VPS45: variants seen among roughly 807,000 people sequenced by gnomAD.
VPS45 encodes the protein vacuolar protein sorting 45 homolog.
A neutral mutation model predicts 75.9 loss-of-function variants in VPS45; 35 were observed. That is an observed-to-expected ratio of 0.46 (90% confidence interval 0.35 to 0.61). The LOEUF (loss-of-function observed/expected upper bound fraction) is 0.61. Among genes scored for constraint, VPS45 ranks in the 20% least tolerant of loss-of-function variants. The pLI is 0.00. For synonymous variants in VPS45, 220 were observed against 238.2 expected (o/e 0.92, Z 0.70); for missense variants, 559 against 685.9 (o/e 0.81, Z 2.07).
At position 150,115,898 on chromosome 1, in the gene VPS45, C is replaced by T. The variant is rs183246332; in HGVS notation, c.1625+5271C>T. Among the ~76,000 whole-genome samples the T allele has an allele frequency of 2.5e-4, 38 of 152,314 alleles. No individual in the cohort carries two copies. The East Asian group carries it at 7.1e-3, about 29-fold the overall frequency. On this transcript the variant is annotated intron_variant, in intron 14 of 14. Coordinates refer to ENST00000644510, the MANE Select transcript of VPS45 (RefSeq NM_007259.5). ...AACACAGTGCCCTTGTTTAATAACA[C>T]TGGCACACACCTATTAGATAGTTGT...
chr1:150,112,503 C>G (rs184918822), intron 14 of VPS45, among the ~76,000 whole-genome samples: 1 of 152,262 alleles, frequency 6.6e-6, no homozygotes, highest in African/African-American at 2.4e-5. Flanking sequence ...TTTATAACTT[C>G]TACAGAAATA....
intron 10 of VPS45, among the ~76,000 whole-genome samples, chr1:150,086,482 G>C (rs1553800694): frequency 6.6e-6 from 1 of 150,740 alleles, no homozygotes; most frequent in Non-Finnish European, 1.5e-5. Flanking sequence ...AAAAGTGTTT[G>C]GTTTTTTTGT....
intron 14 of VPS45, among the ~76,000 whole-genome samples, chr1:150,111,514 C>T (rs888748823): frequency 3.3e-5 from 5 of 152,090 alleles, no homozygotes; most frequent in Non-Finnish European, 7.4e-5. Flanking sequence ...TTACAAGAAA[C>T]TCACGGTGTT....
At chr1:150,124,747 TG>T (rs1190524718) in intron 14 of VPS45, among the ~76,000 whole-genome samples, 1 of 147,900 alleles carries the variant, frequency 6.8e-6, no homozygotes, top group East Asian at 2.0e-4. Context: ...TTAGTAGAGA[TG>T]GGGTTTCACC....
chr1:150,072,324 C>T (rs782394321), intron 3 of VPS45, 98 bp downstream of exon 3: 4 of 880,644 alleles, frequency 4.5e-6, no homozygotes, highest in Non-Finnish European at 6.9e-6. Context: ...TTGAATCTGT[C>T]ACTATAAAAG....
chr1:150,139,957 A>G (rs1553814842), intron 14 of VPS45, among the ~76,000 whole-genome samples: 3 of 152,026 alleles, frequency 2.0e-5, no homozygotes. Context: ...GCTGTGGTGC[A>G]ATCTCAGCTC....
intron 13 of VPS45, among the ~76,000 whole-genome samples, chr1:150,099,253 T>C (rs79920282): frequency 0.022 from 3,273 of 152,070 alleles, 97 homozygotes; most frequent in African/African-American, 0.074. Context: ...TCCCAGCACT[T>C]TGGGAGGCTG....
intron 3 of VPS45, among the ~76,000 whole-genome samples, chr1:150,073,210 T>G (rs1553797386): frequency 6.6e-6 from 1 of 152,170 alleles, no homozygotes; most frequent in African/African-American, 2.4e-5. Flanking sequence ...TGTAGTCTAT[T>G]TGGTAACATT....
intron 7 of VPS45, among the ~76,000 whole-genome samples, chr1:150,079,093 G>A (rs1175582165): frequency 2.3e-5 from 3 of 132,826 alleles, no homozygotes; most frequent in Non-Finnish European, 4.7e-5. Flanking sequence ...CCTGGGCAAC[G>A]AGAGCGAAAC....
rs190592572 is a variant in VPS45 at position 150,099,483 on chromosome 1, G to C, written c.1493+5835G>C. On this transcript the variant is annotated intron_variant, in intron 13 of 14. Coordinates refer to ENST00000644510, the MANE Select transcript of VPS45 (RefSeq NM_007259.5). Reference sequence around the variant, plus strand: ...GCCAAGATTGCGCCACTGCACTCCAGTCTGGGCGACAGAGTGAGACTCCAT... The same window carrying C: ...GCCAAGATTGCGCCACTGCACTCCACTCTGGGCGACAGAGTGAGACTCCAT... Among the ~76,000 whole-genome samples the C allele has an allele frequency of 1.8e-3, 266 of 146,956 alleles. 1 individual carries two copies. Among genetic ancestry groups the C allele is most frequent in the Non-Finnish European group, 3.1e-3 (210 of 67,054 alleles).
intron 1 of VPS45, 122 bp from the exon 2 acceptor site, chr1:150,068,508 T>G: frequency 1.1e-6 from 1 of 903,068 alleles, no homozygotes; most frequent in African/African-American, 1.7e-5. Context: ...TCAGTAAATG[T>G]TTTCCGTATA....
intron 10 of VPS45, among the ~76,000 whole-genome samples, chr1:150,089,764 A>G (rs1026438877): frequency 1.3e-5 from 2 of 152,212 alleles, no homozygotes; most frequent in African/African-American, 4.8e-5. Flanking sequence ...ATAGTGGAAC[A>G]TTTGAACAGA....
rs1656160659 is a variant in VPS45 at position 150,088,696 on chromosome 1, C to T, written c.1105-3241C>T. ...ATTTCACCATGTTGTCCAGGCTGGTCCCCAGCTCCTGAGCTCAAGCAGTCC... is the reference window on the plus strand; with the variant it reads ...ATTTCACCATGTTGTCCAGGCTGGTTCCCAGCTCCTGAGCTCAAGCAGTCC... On this transcript the variant is annotated intron_variant, in intron 10 of 14. Coordinates refer to ENST00000644510, the MANE Select transcript of VPS45 (RefSeq NM_007259.5). 2.0e-5 allele frequency among the ~76,000 whole-genome samples: 3 copies of T among 151,798 alleles called. No homozygotes were observed. The South Asian group carries it at 6.2e-4, about 32-fold the overall frequency.
At position 150,092,338 on chromosome 1, in the gene VPS45, G is replaced by A; in HGVS notation, c.1300G>A (p.Val434Ile). ...AGTTGTTGAATATGGTGGTAAACGAGTCAGAGGAAGTGACCTCTTCAGCCC... is the reference window on the plus strand; with the variant it reads ...AGTTGTTGAATATGGTGGTAAACGAATCAGAGGAAGTGACCTCTTCAGCCC... ...SAVVEYGGKR[V>I]RGSDLFSPKD... is the part of the protein sequence containing the mutation. The change falls in exon 12 of 15, where the codon GTC (valine) becomes ATC (isoleucine). Residue 434 changes from valine to isoleucine, a missense_variant. Coordinates refer to ENST00000644510, the MANE Select transcript of VPS45 (RefSeq NM_007259.5). 1 of 1,614,110 alleles carries A rather than the reference G, an allele frequency of 6.2e-7. No individual in the cohort carries two copies. Among genetic ancestry groups the A allele is most frequent in the Non-Finnish European group, 8.5e-7 (1 of 1,179,996 alleles).
chr1:150,114,746 C>CA (rs1285076813), intron 14 of VPS45, among the ~76,000 whole-genome samples: 1 of 150,920 alleles, frequency 6.6e-6, no homozygotes, highest in Non-Finnish European at 1.5e-5. Flanking sequence ...TTTGTCTCTA[C>CA]AAAAAAACAC....
At chr1:150,140,580 GT>G (rs139461281) in intron 14 of VPS45, among the ~76,000 whole-genome samples, 3 of 151,140 alleles carry the variant, frequency 2.0e-5, no homozygotes, top group Admixed American at 6.6e-5. Flanking sequence ...GAGCAGAGGG[GT>G]TTTTTTTTAC....
At chr1:150,090,503 T>C (rs1553801712) in intron 10 of VPS45, among the ~76,000 whole-genome samples, 2 of 152,208 alleles carry the variant, frequency 1.3e-5, no homozygotes, top group African/African-American at 4.8e-5. Context: ...AATATAGGGT[T>C]ATAAGCAGAC....
chr1:150,120,864 C>CT (rs370159689), intron 14 of VPS45, among the ~76,000 whole-genome samples: 17 of 86,000 alleles, frequency 2.0e-4, no homozygotes, highest in African/African-American at 2.4e-4. Context: ...TAGCAACATT[C>CT]TTTTTTTTTT....
At chr1:150,101,388 C>G (rs1391766698) in intron 13 of VPS45, among the ~76,000 whole-genome samples, 2 of 151,796 alleles carry the variant, frequency 1.3e-5, no homozygotes, top group African/African-American at 4.8e-5. Context: ...AAATGCAAAT[C>G]AAAACTATGG....
Sources: allele counts gnomAD v4.1 joint callset (sites outside exome capture counted in the v4.1 genomes callset), GRCh38; gene constraint gnomAD v4.1.1; transcripts MANE v1.5; gene names NCBI Gene and HGNC (gene_info 2026-07-23, HGNC 2026-07-21).